The following SRGAP1 variants were observed in gnomAD, a reference collection of about 807,000 sequenced individuals.
SRGAP1 encodes the protein SLIT-ROBO Rho GTPase activating protein 1.
Under a neutral mutation model 121.9 loss-of-function variants are expected in SRGAP1, and 43 were observed. The observed-to-expected ratio is 0.35, with a 90% CI of 0.28 to 0.46. The LOEUF (loss-of-function observed/expected upper bound fraction) is 0.46, where lower values mean the gene tolerates loss of function less well. Ranked by LOEUF, SRGAP1 falls within the 20% of genes least tolerant of loss-of-function variation. SRGAP1 has a pLI of 1.00. For synonymous variants in SRGAP1, 447 were observed against 485.4 expected (o/e 0.92, Z 1.04); for missense variants, 1,102 against 1,350.9 (o/e 0.82, Z 2.89).
In SRGAP1 at chr12:63,984,291, C is replaced by T. The variant is rs1448517152; in HGVS notation, c.263+149C>T. On this transcript the variant is annotated intron_variant, in intron 2 of 21. Coordinates refer to ENST00000355086, the MANE Select transcript of SRGAP1 (RefSeq NM_020762.4). ...TAAAAGCAGCCCTCTACATTTGTAA[C>T]TTATGGGCATCAGTTTATCATTTTA... is the stretch of plus-strand genomic sequence containing the variant. 7 of 407,144 alleles carry T rather than the reference C, an allele frequency of 1.7e-5. No homozygotes were observed. The East Asian group carries it at 2.5e-4, about 15-fold the overall frequency. The allele number at this position is 407,144 out of a possible 1,614,324, so 25.2% of individuals were successfully genotyped here. A position where few individuals can be genotyped will look rare whatever the true frequency, so the allele number is the denominator to read the frequency against.
intron 3 of SRGAP1, among the ~76,000 whole-genome samples, chr12:63,994,193 T>C (rs2033630892): frequency 6.6e-6 from 1 of 152,220 alleles, no homozygotes; most frequent in Admixed American, 6.5e-5. Flanking sequence ...TAAGTCCTGG[T>C]AACTTTTATC....
intron 1 of SRGAP1, among the ~76,000 whole-genome samples, chr12:63,923,455 A>AT (rs1320251460): frequency 1.3e-5 from 2 of 152,138 alleles, no homozygotes; most frequent in East Asian, 1.9e-4. Context: ...ATCTGTTGTA[A>AT]TTTTTTTAAC....
intron 1 of SRGAP1, among the ~76,000 whole-genome samples, chr12:63,964,709 C>T (rs1158626005): frequency 6.6e-6 from 1 of 152,148 alleles, no homozygotes; most frequent in East Asian, 1.9e-4. Flanking sequence ...GTTCATTTTA[C>T]CTAAAACCCC....
intron 11 of SRGAP1, among the ~76,000 whole-genome samples, chr12:64,089,081 G>A (rs1011940335): frequency 2.6e-5 from 4 of 152,182 alleles, no homozygotes; most frequent in Non-Finnish European, 5.9e-5. Context: ...ATTCCTAGCA[G>A]TAGTAGTAAG....
At chr12:63,949,918 G>C (rs1337181240) in intron 1 of SRGAP1, among the ~76,000 whole-genome samples, 1 of 152,114 alleles carries the variant, frequency 6.6e-6, no homozygotes, top group Non-Finnish European at 1.5e-5. Flanking sequence ...GATACTGATT[G>C]AACCTAATAC....
rs114868542 is a variant in SRGAP1 at position 63,949,994 on chromosome 12, A to G, written c.68-33953A>G. 6.0e-3 allele frequency among the ~76,000 whole-genome samples: 914 copies of G among 152,266 alleles called. 10 individuals carry two copies. The highest frequency in any genetic ancestry group is 0.021 in the African/African-American group (852 of 41,534). On this transcript the variant is annotated intron_variant, in intron 1 of 21. Coordinates refer to ENST00000355086, the MANE Select transcript of SRGAP1 (RefSeq NM_020762.4). ...AAACTTGAAAATGTATCTCTAAACA[A>G]TGCAGCCTCTGTTTTCCACCAAAAG...
chr12:64,013,374 A>AT (rs1403894285), intron 3 of SRGAP1, among the ~76,000 whole-genome samples: 1 of 152,212 alleles, frequency 6.6e-6, no homozygotes, highest in East Asian at 1.9e-4. Flanking sequence ...GGATGTGTGA[A>AT]TTCATGTTTC....
intron 1 of SRGAP1, among the ~76,000 whole-genome samples, chr12:63,860,988 G>A (rs374332713): frequency 6.6e-6 from 1 of 151,920 alleles, no homozygotes. Flanking sequence ...GGCGCAGACC[G>A]CCAAGCCTGG....
intron 3 of SRGAP1, among the ~76,000 whole-genome samples, chr12:64,014,124 T>C (rs1218872874): frequency 6.6e-6 from 1 of 152,200 alleles, no homozygotes; most frequent in East Asian, 1.9e-4. Context: ...AAGAACCTTA[T>C]GAGATAAGTA....
At chr12:63,993,899 T>C (rs551238155) in intron 3 of SRGAP1, among the ~76,000 whole-genome samples, 1 of 152,250 alleles carries the variant, frequency 6.6e-6, no homozygotes, top group African/African-American at 2.4e-5. Flanking sequence ...ATAACAATAT[T>C]CAACTATTCA....
At chr12:63,989,571 A>G (rs1463654978) in intron 2 of SRGAP1, among the ~76,000 whole-genome samples, 2 of 152,196 alleles carry the variant, frequency 1.3e-5, no homozygotes, top group Non-Finnish European at 2.9e-5. Flanking sequence ...TTTTATGTAA[A>G]CATAAATTGC....
rs564810084 is a variant in SRGAP1 at position 63,857,749 on chromosome 12, T to TA, written c.67+12874dup. ...TCAAAGAATTTTTTCCCTTGTTTGGTAAAAAAAACACTCATTATTTATAAA... is the reference window on the plus strand; with the variant it reads ...TCAAAGAATTTTTTCCCTTGTTTGGTAAAAAAAAACACTCATTATTTATAAA... On this transcript the variant is annotated intron_variant, in intron 1 of 21. Transcript: ENST00000355086. 2.2e-3 allele frequency among the ~76,000 whole-genome samples: 336 copies of TA among 152,056 alleles called. 2 individuals carry two copies. The highest frequency in any genetic ancestry group is 6.3e-3 in the African/African-American group (260 of 41,492).
chr12:63,988,151 T>G (rs991015989), intron 2 of SRGAP1, among the ~76,000 whole-genome samples: 1 of 152,168 alleles, frequency 6.6e-6, no homozygotes, highest in African/African-American at 2.4e-5. Flanking sequence ...CTGCTATTAT[T>G]ACTAAGGCAA....
At chr12:64,134,806 T>A (rs2036835043) in intron 21 of SRGAP1, among the ~76,000 whole-genome samples, 1 of 152,208 alleles carries the variant, frequency 6.6e-6, no homozygotes, top group Non-Finnish European at 1.5e-5. Flanking sequence ...TCCATTCCCA[T>A]GCCTGTTATC....
At chr12:63,917,658 G>T (rs2030847787) in intron 1 of SRGAP1, among the ~76,000 whole-genome samples, 1 of 152,142 alleles carries the variant, frequency 6.6e-6, no homozygotes, top group Non-Finnish European at 1.5e-5. Flanking sequence ...ATAGCTGATA[G>T]TGCAAATCTA....
At chr12:64,091,166 A>G (rs1006713323) in intron 11 of SRGAP1, 110 bp from the exon 12 acceptor site, 4 of 564,190 alleles carry the variant, frequency 7.1e-6, no homozygotes, top group East Asian at 6.5e-5. Flanking sequence ...TGATTGGGGG[A>G]GGGGAAGGAA....
At chr12:64,033,979 A>G (rs572648885) in intron 4 of SRGAP1, among the ~76,000 whole-genome samples, 27 of 151,996 alleles carry the variant, frequency 1.8e-4, no homozygotes, top group African/African-American at 5.3e-4. Flanking sequence ...CAATGAGCCG[A>G]GATCACACCA....
intron 1 of SRGAP1, among the ~76,000 whole-genome samples, chr12:63,898,685 A>G (rs1004307654): frequency 6.6e-6 from 1 of 152,242 alleles, no homozygotes; most frequent in African/African-American, 2.4e-5. Flanking sequence ...TCAAGACTCA[A>G]AGCATTGGTT....
intron 8 of SRGAP1, among the ~76,000 whole-genome samples, chr12:64,076,792 C>T (rs1217101126): frequency 6.6e-6 from 1 of 151,950 alleles, no homozygotes. Flanking sequence ...ATTACAGGCA[C>T]ATACCACCAC....
Sources: allele counts gnomAD v4.1 joint callset (sites outside exome capture counted in the v4.1 genomes callset), GRCh38; gene constraint gnomAD v4.1.1; transcripts MANE v1.5; gene names NCBI Gene and HGNC (gene_info 2026-07-23, HGNC 2026-07-21).